YARS2: variants seen among roughly 807,000 people sequenced by gnomAD.
YARS2 encodes tyrosine--tRNA ligase, mitochondrial.
In YARS2, 38 loss-of-function variants were observed where a neutral mutation model predicts 45.0. That is an observed-to-expected ratio of 0.84 (90% CI 0.65 to 1.11). The LOEUF is 1.11. YARS2 is among the 50% of genes least tolerant of loss of function. The pLI, the probability that YARS2 is intolerant of heterozygous loss-of-function variation, is 0.00. For missense variants in YARS2, 602 were observed against 599.8 expected, an observed-to-expected ratio of 1.00 and a Z score of -0.04; for synonymous variants, 287 against 245.1, an observed-to-expected ratio of 1.17 and a Z score of -1.60.
chr12:32,753,784 GA>G (rs1955792372), intron 2 of YARS2, 133 bp downstream of exon 2: 2 of 1,168,962 alleles, frequency 1.7e-6, no homozygotes, highest in Non-Finnish European at 2.5e-6. Context: ...AGTCTTCTAT[GA>G]TGTAATGGTT....
At chr12:32,749,900 T>C in intron 4 of YARS2, 37 bp downstream of exon 4, 1 of 1,609,824 alleles carries the variant, frequency 6.2e-7, no homozygotes, top group Non-Finnish European at 8.5e-7. Flanking sequence ...CATTTAATGG[T>C]GAATTAACTG....
rs559486105 is a variant in YARS2, at chr12:32,754,237, C to T, written c.780-152G>A. The T allele has an allele frequency of 8.2e-4, 749 of 914,992 alleles. 1 individual carries two copies. Among genetic ancestry groups the T allele is most frequent in the East Asian group, 8.0e-4 (31 of 38,992 alleles). 56.7% of individuals were successfully genotyped at this position (914,992 alleles called of 1,614,324 possible). A position where few individuals can be genotyped will look rare whatever the true frequency, so the allele number is the denominator to read the frequency against. On this transcript the variant is annotated intron_variant, in intron 1 of 4. Coordinates refer to ENST00000324868, the MANE Select transcript of YARS2 (RefSeq NM_001040436.3). ...TTCTTGTTCCTCTTATGTATTGTTA[C>T]AGTACTTACTCTATTCATTCTGAAC...
At chr12:32,753,808 G>A in intron 2 of YARS2, 110 bp downstream of exon 2, 1 of 1,396,800 alleles carries the variant, frequency 7.2e-7, no homozygotes, top group East Asian at 2.3e-5. Context: ...TGTACAGACA[G>A]AAACTACGTT....
At chr12:32,754,595 C>G (rs1592713878) in intron 1 of YARS2, among the ~76,000 whole-genome samples, 1 of 152,096 alleles carries the variant, frequency 6.6e-6, no homozygotes, top group African/African-American at 2.4e-5. Context: ...GCTAGCTACT[C>G]AAGGAGGCCC....
intron 2 of YARS2, chr12:32,752,740 CAAAAAAAAA>C (rs56907654): frequency 2.0e-3 from 392 of 196,458 alleles, no homozygotes; most frequent in Non-Finnish European, 2.2e-3. Context: ...GACACTGCCT[CAAAAAAAAA>C]AAAAAAAAAA....
Position 32,755,848 on chromosome 12 carries a change from A to C in YARS2, c.27T>G (p.Phe9Leu). 3 of 1,613,316 alleles carry C rather than the reference A, an allele frequency of 1.9e-6. No homozygotes were observed. Among genetic ancestry groups the C allele is most frequent in the South Asian group, 1.1e-5 (1 of 91,090 alleles). Residue 9 changes from phenylalanine (F) to leucine (L), a missense_variant, in exon 1 of 5, where the codon TTT becomes TTG. Phe to Leu is a conservative substitution (Grantham distance 22). Transcript: ENST00000324868. MAAPILRS[F>L]SWGRWSGTLN... is the part of the protein sequence containing the mutation. ...GGGTACCAGACCACCGGCCCCAGGA[A>C]AAGGACCGCAAGATGGGCGCCGCCA...
At chr12:32,755,038 G>A (rs574712433) in intron 1 of YARS2, 58 bp downstream of exon 1, 117 of 1,602,780 alleles carry the variant, frequency 7.3e-5, no homozygotes, top group Non-Finnish European at 3.4e-6. Flanking sequence ...TGAATCACAG[G>A]CTACTAGTGT....
Position 32,746,887 on chromosome 12 carries a change from A to AAGGAGAGCAGGAAGGGTAAGAT in YARS2, c.*295_*316dup, listed in dbSNP as rs762739511. 202 of 294,980 alleles carry AAGGAGAGCAGGAAGGGTAAGAT rather than the reference A, an allele frequency of 6.8e-4. No homozygotes were observed. The highest frequency in any genetic ancestry group is 1.1e-3 in the Non-Finnish European group (173 of 155,744). 18.3% of individuals were successfully genotyped at this position (294,980 alleles called of 1,614,324 possible). On this transcript the variant is annotated 3_prime_UTR_variant, in exon 5 of 5. Coordinates refer to ENST00000324868, the MANE Select transcript of YARS2 (RefSeq NM_001040436.3). ...TTTCATTGTTCCTCATCACTACAAA[A>AAGGAGAGCAGGAAGGGTAAGAT]AGGAGAGCAGGAAGGGTAAGATAGG...
chr12:32,755,004 G>T, intron 1 of YARS2, 92 bp downstream of exon 1: 1 of 1,526,984 alleles, frequency 6.5e-7, no homozygotes, highest in African/African-American at 1.4e-5. Flanking sequence ...CTGGAACGAA[G>T]GGCAGCAACT....
rs751680385 is a variant in YARS2 at position 32,755,537 on chromosome 12, C to G, written c.338G>C (p.Gly113Ala). ...RAGHNVIALVGGATARLGDPS... is the reference protein window; with the variant it reads ...RAGHNVIALVAGATARLGDPS... ...GTCTCCCAGGCGCGCCGTGGCGCCT[C>G]CCACCAGCGCGATCACGTTGTGGCC... Residue 113 changes from glycine to alanine, a missense_variant, in exon 1 of 5, where the codon GGA becomes GCA. Transcript: ENST00000324868. 3.7e-6 allele frequency: 6 copies of G among 1,613,464 alleles called. No homozygotes were observed. Among genetic ancestry groups the G allele is most frequent in the Non-Finnish European group, 1.7e-6 (2 of 1,179,814 alleles).
chr12:32,755,523 G>A lies in YARS2; in HGVS notation c.352C>T (p.Arg118Cys). ...GTACGGCCGCTCGGGTCTCCCAGGC[G>A]CGCCGTGGCGCCTCCCACCAGCGCG... ...VIALVGGATA[R>C]LGDPSGRTKE... Residue 118 changes from arginine (R) to cysteine (C), a missense_variant, in exon 1 of 5, where the codon CGC becomes TGC. Physicochemically the swap from Arg to Cys is radical, Grantham distance 180. Transcript: ENST00000324868. 1 of 1,612,950 alleles carries A rather than the reference G, an allele frequency of 6.2e-7. No individual in the cohort carries two copies. Among genetic ancestry groups the A allele is most frequent in the Non-Finnish European group, 8.5e-7 (1 of 1,179,666 alleles).
In YARS2 at chr12:32,753,999, GC is replaced by G. The variant is rs1417686097; in HGVS notation, c.865del (p.Ala289LeufsTer4). On this transcript the variant is annotated frameshift_variant, in exon 2 of 5. Transcript: ENST00000324868. LOFTEE classifies it high-confidence loss of function. Reference sequence around the variant, plus strand: ...TGTCTTATCTCTGTTTAGCCAAACAGCGTTGCCAGCAGACTTTCCCAGCTTT... The same window carrying G: ...TGTCTTATCTCTGTTTAGCCAAACAGGTTGCCAGCAGACTTTCCCAGCTTT... ...GAKLGKSAGN[A>X]VWLNRDKTSP... The G allele has an allele frequency of 6.2e-7, 1 of 1,614,212 alleles. No homozygotes were observed.
chr12:32,750,829 A>G lies in YARS2; in HGVS notation c.993T>C (p.His331=), dbSNP rs1422810313. The part of the protein sequence containing the change: ...FTFLPLPEID[H]IMQLHVKEPE... The stretch of plus-strand genomic sequence containing the variant: ...GCTCTTTGACATGCAGCTGCATGAT[A>G]TGATCAATCTCTGGAAGGGGCAGGA... Residue 331 remains histidine, a synonymous_variant, in exon 3 of 5, where the codon CAT becomes CAC. Transcript: ENST00000324868. 3.7e-6 allele frequency: 6 copies of G among 1,614,160 alleles called. No homozygotes were observed. The highest frequency in any genetic ancestry group is 5.1e-6 in the Non-Finnish European group (6 of 1,180,008).
Position 32,747,191 on chromosome 12 carries a change from G to C in YARS2, c.*13C>G. ...ATGGGTAAGTTTATTTGGACAACCAGAAGGACTTTTCATCACAACTGAAGC... is the reference window on the plus strand; with the variant it reads ...ATGGGTAAGTTTATTTGGACAACCACAAGGACTTTTCATCACAACTGAAGC... On this transcript the variant is annotated 3_prime_UTR_variant, in exon 5 of 5. Coordinates refer to ENST00000324868, the MANE Select transcript of YARS2 (RefSeq NM_001040436.3). 6.2e-7 allele frequency: 1 copy of C among 1,611,734 alleles called. No homozygotes were observed. The highest frequency in any genetic ancestry group is 1.1e-5 in the South Asian group (1 of 90,942).
chr12:32,753,311 A>G (rs767560802), intron 2 of YARS2, among the ~76,000 whole-genome samples: 5 of 152,226 alleles, frequency 3.3e-5, no homozygotes, highest in Admixed American at 2.0e-4. Context: ...TTATTTTTGT[A>G]CTATGAATAT....
intron 1 of YARS2, 152 bp from the exon 2 acceptor site, chr12:32,754,237 C>G (rs559486105): frequency 1.1e-6 from 1 of 915,000 alleles, no homozygotes; most frequent in Non-Finnish European, 1.7e-6. Flanking sequence ...TGTATTGTTA[C>G]AGTACTTACT....
At chr12:32,750,316 C>T (rs1047686241) in intron 3 of YARS2, among the ~76,000 whole-genome samples, 4 of 152,122 alleles carry the variant, frequency 2.6e-5, no homozygotes, top group South Asian at 2.1e-4. Context: ...ATTCTCCTGC[C>T]TCAGCCTCCT....
chr12:32,755,590 C>A lies in YARS2; in HGVS notation c.285G>T (p.Leu95=), dbSNP rs1341658231. Residue 95 remains leucine, a synonymous_variant, in exon 1 of 5, where the codon CTG becomes CTT. Coordinates refer to ENST00000324868, the MANE Select transcript of YARS2 (RefSeq NM_001040436.3). ...CTCGCTGCAAATGAAACAGGCCCAG[C>A]AGCGCAAGTAGATGACCCACATGAA... ...DSLHVGHLLA[L]LGLFHLQRAG... 1 of 1,613,830 alleles carries A rather than the reference C, an allele frequency of 6.2e-7. No homozygotes were observed. The highest frequency in any genetic ancestry group is 1.3e-5 in the African/African-American group (1 of 74,956).
At position 32,746,990 on chromosome 12, in the gene YARS2, T is replaced by C. The variant is rs1955651252; in HGVS notation, c.*214A>G. ...TGAAAATCATGGTTTTCTATGGTAA[T>C]CAAGCTTTGTACATCAGAAAATAAA... On this transcript the variant is annotated 3_prime_UTR_variant, in exon 5 of 5. Transcript: ENST00000324868. 1.9e-6 allele frequency: 1 copy of C among 527,022 alleles called. No homozygotes were observed. The highest frequency in any genetic ancestry group is 3.3e-6 in the Non-Finnish European group (1 of 299,630). 32.6% of individuals were successfully genotyped at this position (527,022 alleles called of 1,614,324 possible).
Sources: allele counts gnomAD v4.1 joint callset (sites outside exome capture counted in the v4.1 genomes callset), GRCh38; gene constraint gnomAD v4.1.1; transcripts MANE v1.5; gene names NCBI Gene and HGNC (gene_info 2026-07-23, HGNC 2026-07-21).